RIGI: variants seen among roughly 807,000 people sequenced by gnomAD.
RIGI encodes RNA sensor RIG-I.
chr9:32,464,763 A>G, the RIGI span, among the ~76,000 whole-genome samples: 1 of 152,148 alleles, frequency 6.6e-6, no homozygotes, highest in African/African-American at 2.4e-5. Context: ...ATACCAACAC[A>G]ACTCAGGCTT....
At chr9:32,472,027 C>T in the RIGI span, among the ~76,000 whole-genome samples, 1 of 152,038 alleles carries the variant, frequency 6.6e-6, no homozygotes, top group African/African-American at 2.4e-5. Context: ...GGGTGGGGGG[C>T]ACAGCTGTGA....
chr9:32,488,438 C>T, the RIGI span, among the ~76,000 whole-genome samples: 59 of 152,020 alleles, frequency 3.9e-4, no homozygotes, highest in Middle Eastern at 0.014. Flanking sequence ...GAAAAGAGTA[C>T]GTAAAAGAAT....
chr9:32,494,414 A>T, the RIGI span, among the ~76,000 whole-genome samples: 1 of 152,166 alleles, frequency 6.6e-6, no homozygotes, highest in East Asian at 1.9e-4. Flanking sequence ...AATTTACTTA[A>T]TATTATTCTA....
At chr9:32,471,736 T>A in the RIGI span, among the ~76,000 whole-genome samples, 1 of 152,102 alleles carries the variant, frequency 6.6e-6, no homozygotes, top group Admixed American at 6.6e-5. Context: ...ATTTCCTGAG[T>A]GTCTACTTGT....
the RIGI span, among the ~76,000 whole-genome samples, chr9:32,520,884 G>A: frequency 3.3e-5 from 5 of 151,596 alleles, no homozygotes; most frequent in South Asian, 4.2e-4. Flanking sequence ...GGTGGCTCAC[G>A]CCTGTAATCC....
chr9:32,485,345 G>A, the RIGI span: 4 of 1,108,050 alleles, frequency 3.6e-6, no homozygotes, highest in Non-Finnish European at 5.3e-6. Context: ...AGGACAGATT[G>A]TAGTTCAAAG....
the RIGI span, chr9:32,526,042 CGCCGCT>C: frequency 6.3e-7 from 1 of 1,585,952 alleles, no homozygotes; most frequent in East Asian, 2.2e-5. Flanking sequence ...GCCGAGAAGG[CGCCGCT>C]GGAGACACTC....
chr9:32,456,739 A>G, the RIGI span: 1 of 163,620 alleles, frequency 6.1e-6, no homozygotes, highest in Non-Finnish European at 1.3e-5. Context: ...ATTTCAGTAG[A>G]TTGTTAAGGG....
the RIGI span, among the ~76,000 whole-genome samples, chr9:32,520,130 T>G: frequency 1.3e-5 from 2 of 152,214 alleles, no homozygotes; most frequent in Admixed American, 1.3e-4. Context: ...ACCATTTTTT[T>G]TTTTAATGAT....
At chr9:32,484,470 A>T in the RIGI span, among the ~76,000 whole-genome samples, 1 of 152,182 alleles carries the variant, frequency 6.6e-6, no homozygotes, top group Non-Finnish European at 1.5e-5. Flanking sequence ...TAGTCCTGGT[A>T]CCAGGACCAC....
At chr9:32,473,374 G>T in the RIGI span, among the ~76,000 whole-genome samples, 6 of 139,222 alleles carry the variant, frequency 4.3e-5, no homozygotes, top group African/African-American at 1.6e-4. Context: ...TGCAACCTCC[G>T]CCTCCCAGGT....
chr9:32,487,533 A>G, the RIGI span: 2 of 1,614,178 alleles, frequency 1.2e-6, no homozygotes, highest in East Asian at 2.2e-5. Flanking sequence ...TGTTGCTATC[A>G]CTGACGCATC....
At chr9:32,472,912 TACACAC>T in the RIGI span, 3 of 1,057,238 alleles carry the variant, frequency 2.8e-6, no homozygotes, top group Non-Finnish European at 4.1e-6. Context: ...CACATATACA[TACACAC>T]ACACACATAT....
chr9:32,468,692 G>T, the RIGI span, among the ~76,000 whole-genome samples: 2 of 151,768 alleles, frequency 1.3e-5, no homozygotes, highest in African/African-American at 4.8e-5. Flanking sequence ...CAAATGAGGG[G>T]CTTGAGGTTC....
chr9:32,475,863 G>A, the RIGI span, among the ~76,000 whole-genome samples: 1 of 152,124 alleles, frequency 6.6e-6, no homozygotes, highest in Non-Finnish European at 1.5e-5. Context: ...AAAAGATACT[G>A]TCAAGAGAAT....
chr9:32,477,798 G>T, the RIGI span, among the ~76,000 whole-genome samples: 1 of 151,874 alleles, frequency 6.6e-6, no homozygotes, highest in Non-Finnish European at 1.5e-5. Flanking sequence ...GGTGATGGGC[G>T]CCTATAATCC....
the RIGI span, among the ~76,000 whole-genome samples, chr9:32,503,814 G>T: frequency 6.6e-6 from 1 of 152,126 alleles, no homozygotes; most frequent in African/African-American, 2.4e-5. Context: ...GGCCAAGGTG[G>T]GTGGATCACT....
chr9:32,518,960 T>C, the RIGI span, among the ~76,000 whole-genome samples: 1 of 152,228 alleles, frequency 6.6e-6, no homozygotes, highest in African/African-American at 2.4e-5. Flanking sequence ...TTCACCCATC[T>C]TGGCCTCCCA....
At chr9:32,507,728 C>T in the RIGI span, among the ~76,000 whole-genome samples, 38 of 152,010 alleles carry the variant, frequency 2.5e-4, no homozygotes, top group African/African-American at 8.9e-4. Context: ...TCACCATAGG[C>T]TCAATTTTCG....
Sources: gnomAD v4.1 joint callset for allele counts (sites outside exome capture counted in the v4.1 genomes callset) on GRCh38, gnomAD v4.1.1 for gene constraint, MANE v1.5 for transcripts, NCBI Gene and HGNC (gene_info 2026-07-23, HGNC 2026-07-21) for gene names.